YPEL2: variants seen among roughly 807,000 people sequenced by gnomAD.
The protein encoded by YPEL2 is protein yippee-like 2.
YPEL2 carries 2 observed loss-of-function variants against 19.1 expected under a neutral mutation model. The ratio of observed to expected loss-of-function variants is 0.10; its 90% CI spans 0.04 to 0.33. The LOEUF (loss-of-function observed/expected upper bound fraction) is 0.33, where lower values mean the gene tolerates loss of function less well. Among genes scored for constraint, YPEL2 ranks in the 10% least tolerant of loss-of-function variants. YPEL2 has a pLI of 1.00. For missense variants in YPEL2, 66 were observed against 140.7 expected (o/e 0.47, Z 2.68); for synonymous variants, 52 against 50.0 (o/e 1.04, Z -0.17).
chr17:59,339,351 C>A (rs1247721102), intron 1 of YPEL2, among the ~76,000 whole-genome samples: 1 of 152,128 alleles, frequency 6.6e-6, no homozygotes, highest in East Asian at 1.9e-4. Flanking sequence ...GAAAAGTTAT[C>A]CCCACACTTA....
At chr17:59,365,493 G>A (rs903055100) in intron 2 of YPEL2, among the ~76,000 whole-genome samples, 5 of 152,226 alleles carry the variant, frequency 3.3e-5, no homozygotes, top group South Asian at 2.1e-4. Flanking sequence ...CAGCCCAGGC[G>A]GCTGGAAGAG....
Position 59,358,926 on chromosome 17 carries a change from CTT to C in YPEL2, c.117+5414_117+5415del, listed in dbSNP as rs35109375. 5.6e-3 allele frequency among the ~76,000 whole-genome samples: 644 copies of C among 115,260 alleles called. 3 individuals carry two copies. Among genetic ancestry groups the C allele is most frequent in the African/African-American group, 0.019 (549 of 29,572 alleles). The allele number at this position is 115,260 out of a possible 152,430, so 75.6% of individuals were successfully genotyped here. A position where few individuals can be genotyped will look rare whatever the true frequency, so the allele number is the denominator to read the frequency against. On this transcript the variant is annotated intron_variant, in intron 2 of 4. Transcript: ENST00000312655. ...CCTGGCCTTTTTTTTTTTCCTTTTT[CTT>C]TTTTTTTTTTTTTGAGATGAAGTCT... is the stretch of plus-strand genomic sequence containing the variant.
chr17:59,360,542 AT>A (rs1195782599), intron 2 of YPEL2, among the ~76,000 whole-genome samples: 2 of 152,144 alleles, frequency 1.3e-5, no homozygotes, highest in East Asian at 3.8e-4. Flanking sequence ...TTACTTAATT[AT>A]TTTCTTCAAC....
intron 1 of YPEL2, among the ~76,000 whole-genome samples, chr17:59,334,397 G>GGT (rs930301684): frequency 2.3e-5 from 3 of 128,872 alleles, no homozygotes; most frequent in South Asian, 2.3e-4. Flanking sequence ...ATTTGGGGGG[G>GGT]GGTGAGGAGT....
chr17:59,396,316 T>C (rs1045459991), intron 4 of YPEL2, among the ~76,000 whole-genome samples: 1 of 152,210 alleles, frequency 6.6e-6, no homozygotes, highest in Admixed American at 6.5e-5. Context: ...GAGCTAAACA[T>C]GAAAGTCTCT....
chr17:59,380,080 C>T (rs555394517), intron 2 of YPEL2, among the ~76,000 whole-genome samples: 108 of 150,792 alleles, frequency 7.2e-4, no homozygotes, highest in African/African-American at 2.5e-3. Flanking sequence ...AGGCTGGTCT[C>T]GAACTCCCGA....
In YPEL2 at chr17:59,353,508, T is replaced by C. The variant is rs773162278; in HGVS notation, c.99T>C (p.His33=). The change falls in exon 2 of 5, where the codon CAT becomes CAC. Residue 33 remains histidine, a synonymous_variant. Transcript: ENST00000312655. This position sits in a 1 kb window ranked among gnomAD's most constrained non-coding sequence, Gnocchi z 4.8. ...ACTGCAGAGCTCACTTGGCCAATCA[T>C]GATGAACTAATTTCCAAGGTACACA... ...CIHCRAHLAN[H]DELISKSFQG... 1 of 1,614,068 alleles carries C rather than the reference T, an allele frequency of 6.2e-7. No homozygotes were observed. The highest frequency in any genetic ancestry group is 1.1e-5 in the South Asian group (1 of 91,078).
At chr17:59,381,906 T>C (rs932270505) in intron 2 of YPEL2, among the ~76,000 whole-genome samples, 3 of 152,198 alleles carry the variant, frequency 2.0e-5, no homozygotes, top group African/African-American at 7.2e-5. Context: ...TTCTAATTGC[T>C]TCCTTAACTT....
At chr17:59,384,021 G>A (rs2047967977) in intron 2 of YPEL2, among the ~76,000 whole-genome samples, 1 of 152,122 alleles carries the variant, frequency 6.6e-6, no homozygotes, top group Admixed American at 6.6e-5. Flanking sequence ...TTTCACTTGG[G>A]TAAATGAAAT....
At chr17:59,365,739 A>T (rs2047865550) in intron 2 of YPEL2, among the ~76,000 whole-genome samples, 1 of 152,228 alleles carries the variant, frequency 6.6e-6, no homozygotes, top group Non-Finnish European at 1.5e-5. Context: ...AGGGCTGCCC[A>T]GCCAAGGGGA....
chr17:59,382,931 T>C (rs1360227686), intron 2 of YPEL2, among the ~76,000 whole-genome samples: 2 of 152,136 alleles, frequency 1.3e-5, no homozygotes, highest in African/African-American at 4.8e-5. Flanking sequence ...GCATGAGCCA[T>C]CACGCCTAGC....
intron 2 of YPEL2, 141 bp from the exon 3 acceptor site, chr17:59,388,186 C>T (rs1272436935): frequency 6.2e-6 from 5 of 801,042 alleles, no homozygotes; most frequent in Admixed American, 1.8e-5. Flanking sequence ...CACCATCTGC[C>T]AGCGGGACCG....
At chr17:59,355,279 T>A (rs1167606968) in intron 2 of YPEL2, 1 of 152,230 alleles carries the variant, frequency 6.6e-6, no homozygotes, top group Non-Finnish European at 1.5e-5. Flanking sequence ...AGAAGAGTGA[T>A]TACTTTGAGT....
intron 2 of YPEL2, among the ~76,000 whole-genome samples, chr17:59,383,075 A>C (rs190010952): frequency 9.8e-5 from 15 of 152,370 alleles, no homozygotes; most frequent in Non-Finnish European, 1.9e-4. Context: ...TTTTAAATAG[A>C]TTAGGGAATT....
intron 2 of YPEL2, among the ~76,000 whole-genome samples, chr17:59,385,485 G>A (rs1042948671): frequency 6.6e-6 from 1 of 152,130 alleles, no homozygotes; most frequent in Non-Finnish European, 1.5e-5. Flanking sequence ...GGTTGAGGCA[G>A]AAGGATCACT....
At position 59,359,986 on chromosome 17, in the gene YPEL2, G is replaced by A. The variant is rs557808586; in HGVS notation, c.117+6460G>A. Among the ~76,000 whole-genome samples, 9 of 152,326 alleles carry A rather than the reference G, an allele frequency of 5.9e-5. No homozygotes were observed. In the East Asian group the frequency reaches 7.7e-4, roughly 13 times the overall value. On this transcript the variant is annotated intron_variant, in intron 2 of 4. Transcript: ENST00000312655. ...GCGATCTCGGCTCACTGCAACCTCC[G>A]CCTCCTGAGTTCAAGAGACTCTCCT...
At chr17:59,343,875 T>C (rs776879676) in intron 1 of YPEL2, among the ~76,000 whole-genome samples, 6 of 152,144 alleles carry the variant, frequency 3.9e-5, no homozygotes, top group Non-Finnish European at 7.4e-5. Flanking sequence ...GGGAGACCTA[T>C]GGGAAGCTGT....
At chr17:59,340,722 T>A (rs1405964966) in intron 1 of YPEL2, among the ~76,000 whole-genome samples, 2 of 146,820 alleles carry the variant, frequency 1.4e-5, no homozygotes, top group Non-Finnish European at 3.0e-5. Flanking sequence ...GCCGAACTTT[T>A]TTTTTTTTGA....
intron 3 of YPEL2, among the ~76,000 whole-genome samples, 164 bp downstream of exon 3, chr17:59,388,534 A>G (rs890066699): frequency 6.6e-6 from 1 of 152,196 alleles, no homozygotes; most frequent in Non-Finnish European, 1.5e-5. Context: ...TTTGGGGAAC[A>G]TTTCTTGCCA....
Sources: allele counts gnomAD v4.1 joint callset (sites outside exome capture counted in the v4.1 genomes callset), GRCh38; gene constraint gnomAD v4.1.1; non-coding constraint Gnocchi (gnomAD v3.1); transcripts MANE v1.5; gene names NCBI Gene and HGNC (gene_info 2026-07-23, HGNC 2026-07-21).